The following RHPN1 variants were observed in gnomAD, a reference collection of about 807,000 sequenced individuals.
RHPN1 encodes rhophilin Rho GTPase binding protein 1.
Under a neutral mutation model 74.7 loss-of-function variants are expected in RHPN1, and 77 were observed. The ratio of observed to expected loss-of-function variants is 1.03; its 90% CI spans 0.86 to 1.25. The LOEUF (loss-of-function observed/expected upper bound fraction) is 1.25. RHPN1 is among the 50% of genes most tolerant of loss of function. The pLI is 0.00. For synonymous variants in RHPN1, 444 were observed against 414.5 expected (o/e 1.07, Z -0.87); for missense variants, 987 against 932.2 (o/e 1.06, Z -0.77).
In RHPN1 at chr8:143,378,729, C is replaced by T. The variant is rs1343274811; in HGVS notation, c.493C>T (p.Leu165=). The change falls in exon 6 of 15, where the codon CTG becomes TTG. Residue 165 remains leucine, a synonymous_variant. Transcript: ENST00000289013. ...GACCCCCAGCCGGAATGAGTCGGGC[C>T]TGGAGCTGCTCACAGCCTATTACAA... The part of the protein sequence containing the change: ...MRTPSRNESG[L]ELLTAYYNQL... The T allele has an allele frequency of 6.3e-7, 1 of 1,594,832 alleles. No homozygotes were observed. The highest frequency in any genetic ancestry group is 1.7e-5 in the Admixed American group (1 of 57,434).
rs1420347787 is a variant in RHPN1 at position 143,379,854 on chromosome 8, A to G, written c.971A>G (p.His324Arg). The change falls in exon 9 of 15, where the codon CAC becomes CGC. Residue 324 changes from histidine (H) to arginine (R), a missense_variant. Transcript: ENST00000289013. Reference protein sequence around the residue: ...AQVAAEYRLVHRTMAQPPVHD... With the variant: ...AQVAAEYRLVRRTMAQPPVHD... ...GTGGCAGCCGAGTACAGGCTAGTGCACCGGACCATGGCCCAGCCACCCGTC... is the reference window on the plus strand; with the variant it reads ...GTGGCAGCCGAGTACAGGCTAGTGCGCCGGACCATGGCCCAGCCACCCGTC... 1.9e-6 allele frequency: 3 copies of G among 1,610,446 alleles called. No individual in the cohort carries two copies. The highest frequency in any genetic ancestry group is 2.7e-5 in the African/African-American group (2 of 74,828).
At chr8:143,382,052 C>T (rs1044040704) in intron 14 of RHPN1, 84 bp downstream of exon 14, 1 of 1,340,868 alleles carries the variant, frequency 7.5e-7, no homozygotes, top group Admixed American at 2.6e-5. Flanking sequence ...GCTTGAGCAA[C>T]ATTGGGAAGG....
At chr8:143,379,155 T>G (rs1489061081) in intron 7 of RHPN1, 77 bp downstream of exon 7, 11 of 1,421,566 alleles carry the variant, frequency 7.7e-6, no homozygotes, top group Non-Finnish European at 1.0e-5. Context: ...GGGCAGGAGC[T>G]GGGGAGTGGT....
chr8:143,376,797 CATGT>C, intron 3 of RHPN1, 144 bp downstream of exon 3: 1 of 970,216 alleles, frequency 1.0e-6, no homozygotes, highest in Non-Finnish European at 1.5e-6. Context: ...TGTGTGCATG[CATGT>C]CTGTGCGCGT....
At chr8:143,379,133 G>A (rs1818507540) in intron 7 of RHPN1, 55 bp downstream of exon 7, 1 of 1,443,334 alleles carries the variant, frequency 6.9e-7, no homozygotes, top group Non-Finnish European at 9.1e-7. Flanking sequence ...GTGTTGCAGA[G>A]CCCCTTTTGC....
intron 14 of RHPN1, 69 bp from the exon 15 acceptor site, chr8:143,382,367 C>A: frequency 7.1e-7 from 1 of 1,415,716 alleles, no homozygotes; most frequent in South Asian, 1.2e-5. Flanking sequence ...TCTCACCCCT[C>A]CCAGACTGGC....
At chr8:143,366,396 T>TA (rs964750148), upstream of RHPN1, among the ~76,000 whole-genome samples, 13 of 151,742 alleles carry the variant, frequency 8.6e-5, 1 homozygote, top group Non-Finnish European at 1.6e-4. Flanking sequence ...TAAAATAATT[T>TA]AAAAAAACAA....
At chr8:143,376,944 CTG>C (rs527564852) in intron 3 of RHPN1, among the ~76,000 whole-genome samples, 236 of 143,992 alleles carry the variant, frequency 1.6e-3, no homozygotes, top group African/African-American at 4.7e-3. Flanking sequence ...GTGTGCATCT[CTG>C]TGCGTGTGTC....
At chr8:143,382,157 G>A (rs1471831411) in intron 14 of RHPN1, among the ~76,000 whole-genome samples, 189 bp downstream of exon 14, 2 of 152,220 alleles carry the variant, frequency 1.3e-5, no homozygotes, top group Non-Finnish European at 2.9e-5. Context: ...CCCTGACCCC[G>A]AGGATGCTGC....
chr8:143,381,330 A>C lies in RHPN1; in HGVS notation c.1474A>C (p.Ile492Leu). Residue 492 changes from isoleucine (I) to leucine (L), a missense_variant, in exon 12 of 15, where the codon ATC (isoleucine) becomes CTC (leucine). Ile to Leu is a conservative substitution (Grantham distance 5, BLOSUM62 2). Coordinates refer to ENST00000289013, the MANE Select transcript of RHPN1 (RefSeq NM_052924.3). ...PRLSQGKGPDIFHRLGPLSVF... is the reference protein window; with the variant it reads ...PRLSQGKGPDLFHRLGPLSVF... ...CCTGTCCCAGGGGAAGGGGCCTGAC[A>C]TCTTCCATCGGCTGGTGAGCACACC... The C allele has an allele frequency of 1.2e-6, 2 of 1,611,442 alleles. No individual in the cohort carries two copies. The highest frequency in any genetic ancestry group is 1.7e-6 in the Non-Finnish European group (2 of 1,179,142).
intron 14 of RHPN1, 93 bp downstream of exon 14, chr8:143,382,061 G>T: frequency 7.8e-7 from 1 of 1,274,860 alleles, no homozygotes; most frequent in East Asian, 2.5e-5. Flanking sequence ...ACATTGGGAA[G>T]GGGAGGTGGG....
rs1201558293 is a variant in RHPN1, at chr8:143,378,994, C to T, written c.667C>T (p.Leu223Phe). Residue 223 changes from leucine to phenylalanine, a missense_variant, in exon 7 of 15, where the codon CTC becomes TTC. By Grantham distance (22) the Leu-to-Phe change is conservative (BLOSUM62 0). Transcript: ENST00000289013. Reference sequence around the variant, plus strand: ...CAGCGTTCTCTTCAACATCGGTGCCCTCCACACGCAGATTGGGGCGCGCCA... The same window carrying T: ...CAGCGTTCTCTTCAACATCGGTGCCTTCCACACGCAGATTGGGGCGCGCCA... ...KGSVLFNIGA[L>F]HTQIGARQDR... 3 of 1,554,038 alleles carry T rather than the reference C, an allele frequency of 1.9e-6. No individual in the cohort carries two copies. Among genetic ancestry groups the T allele is most frequent in the Non-Finnish European group, 2.6e-6 (3 of 1,149,322 alleles).
intron 2 of RHPN1, among the ~76,000 whole-genome samples, chr8:143,376,134 C>G (rs1420355725): frequency 2.6e-5 from 4 of 152,222 alleles, no homozygotes; most frequent in Non-Finnish European, 4.4e-5. Context: ...CCTGGCCTTC[C>G]CTGGGGACCT....
At position 143,378,362 on chromosome 8, in the gene RHPN1, G is replaced by GCCCCC; in HGVS notation, c.459+19_459+20insCCCCC. ...CCTGCGGCAGGTGTGTGGTTCCCCC[G>GCCCCC]CCCACCCACCCTCCTGCAGCCCTGG... On this transcript the variant is annotated intron_variant, in intron 5 of 14. Coordinates refer to ENST00000289013, the MANE Select transcript of RHPN1 (RefSeq NM_052924.3). The GCCCCC allele has an allele frequency of 2.9e-6, 4 of 1,386,110 alleles. No homozygotes were observed. The highest frequency in any genetic ancestry group is 2.8e-5 in the South Asian group (2 of 70,982). The allele number at this position is 1,386,110 out of a possible 1,614,324, so 85.9% of individuals were successfully genotyped here. A position where few individuals can be genotyped will look rare whatever the true frequency, so the allele number is the denominator to read the frequency against.
rs765863363 is a variant in RHPN1, at chr8:143,382,506, C to A, written c.1868C>A (p.Thr623Asn). The A allele has an allele frequency of 5.0e-6, 8 of 1,607,982 alleles. No homozygotes were observed. The highest frequency in any genetic ancestry group is 8.5e-7 in the Non-Finnish European group (1 of 1,178,038). The change falls in exon 15 of 15, where the codon ACC (threonine) becomes AAC (asparagine). Residue 623 changes from threonine to asparagine, a missense_variant. Thr to Asn is a moderately conservative substitution (Grantham distance 65, BLOSUM62 0). Coordinates refer to ENST00000289013, the MANE Select transcript of RHPN1 (RefSeq NM_052924.3). ...LRSQREHGCK[T>N]PASTWASPRP... ...AGCCAGAGGGAGCATGGTTGCAAGA[C>A]CCCGGCATCCACGTGGGCCAGTCCC...
In RHPN1 at chr8:143,369,030, G is replaced by C; in HGVS notation, c.43G>C (p.Glu15Gln). 1.3e-6 allele frequency: 2 copies of C among 1,495,730 alleles called. No individual in the cohort carries two copies. Among genetic ancestry groups the C allele is most frequent in the Non-Finnish European group, 1.8e-6 (2 of 1,130,472 alleles). 92.7% of individuals were successfully genotyped at this position (1,495,730 alleles called of 1,614,324 possible). A position where few individuals can be genotyped will look rare whatever the true frequency, so the allele number is the denominator to read the frequency against. ...GCCGGACGGCGCGGGCGCCGGCGAG[G>C]AGAGCCCGCGGCTGCAGGTGCGCAG... ...ERPDGAGAGE[E>Q]SPRLQGCDSL... The change falls in exon 1 of 15, where the codon GAG becomes CAG. Residue 15 changes from glutamate (E) to glutamine (Q), a missense_variant. Coordinates refer to ENST00000289013, the MANE Select transcript of RHPN1 (RefSeq NM_052924.3).
chr8:143,380,597 C>T lies in RHPN1; in HGVS notation c.1225C>T (p.His409Tyr), dbSNP rs1818646681. 5 of 1,522,524 alleles carry T rather than the reference C, an allele frequency of 3.3e-6. No individual in the cohort carries two copies. The highest frequency in any genetic ancestry group is 2.8e-5 in the African/African-American group (2 of 72,610). 94.3% of individuals were successfully genotyped at this position (1,522,524 alleles called of 1,614,324 possible). A position where few individuals can be genotyped will look rare whatever the true frequency, so the allele number is the denominator to read the frequency against. ...CAGTGCCCCGCGTGCAGGCAAGGCACACCTGAAGCGTGCCATCCTGGGGCA... is the reference window on the plus strand; with the variant it reads ...CAGTGCCCCGCGTGCAGGCAAGGCATACCTGAAGCGTGCCATCCTGGGGCA... ...LEERRQLGKA[H>Y]LKRAILGQEE... The change falls in exon 11 of 15, where the codon CAC becomes TAC. Residue 409 changes from histidine to tyrosine, a missense_variant. By Grantham distance (83) the His-to-Tyr change is moderately conservative (BLOSUM62 2). Transcript: ENST00000289013.
chr8:143,382,358 C>G, intron 14 of RHPN1, 78 bp from the exon 15 acceptor site: 1 of 1,331,572 alleles, frequency 7.5e-7, no homozygotes, highest in Non-Finnish European at 1.0e-6. Context: ...CCAGGTGGTT[C>G]TCACCCCTCC....
chr8:143,380,411 C>A, intron 10 of RHPN1, 178 bp from the exon 11 acceptor site: 1 of 668,362 alleles, frequency 1.5e-6, no homozygotes, highest in Non-Finnish European at 2.5e-6. Context: ...CATCCCTGGC[C>A]CCTGCTTTGC....
Sources: allele counts gnomAD v4.1 joint callset (sites outside exome capture counted in the v4.1 genomes callset), GRCh38; gene constraint gnomAD v4.1.1; transcripts MANE v1.5; gene names NCBI Gene and HGNC (gene_info 2026-07-23, HGNC 2026-07-21).